The following DRC8 variants were observed in gnomAD, a reference collection of about 807,000 sequenced individuals.
The protein encoded by DRC8 is dynein regulatory complex protein 8.
chr1:245,099,134 C>G, the DRC8 span, among the ~76,000 whole-genome samples: 13 of 152,140 alleles, frequency 8.5e-5, no homozygotes, highest in African/African-American at 2.6e-4. Context: ...CCTAACAATA[C>G]GGACCAAGAA....
the DRC8 span, among the ~76,000 whole-genome samples, chr1:245,100,473 A>C: frequency 2.0e-5 from 3 of 151,572 alleles, no homozygotes; most frequent in African/African-American, 7.3e-5. Context: ...AAATGAATAA[A>C]TGACCTTAAA....
the DRC8 span, among the ~76,000 whole-genome samples, chr1:244,975,634 G>A: frequency 6.6e-6 from 1 of 152,192 alleles, no homozygotes; most frequent in Non-Finnish European, 1.5e-5. Context: ...CCAGGCAGGT[G>A]GATCACTTGA....
the DRC8 span, among the ~76,000 whole-genome samples, chr1:244,987,162 G>A: frequency 0.022 from 3,327 of 151,930 alleles, 142 homozygotes; most frequent in African/African-American, 0.076. Context: ...TGAAAGCACA[G>A]ATTAACATAA....
the DRC8 span, among the ~76,000 whole-genome samples, chr1:244,979,344 C>A: frequency 1.5e-5 from 2 of 129,624 alleles, no homozygotes; most frequent in Non-Finnish European, 3.1e-5. Flanking sequence ...TTGCTCTTGT[C>A]GCCCAGGTTG....
the DRC8 span, among the ~76,000 whole-genome samples, chr1:245,101,235 T>C: frequency 0.059 from 9,043 of 152,282 alleles, 875 homozygotes; most frequent in African/African-American, 0.2. Context: ...TTACTCCCAA[T>C]CTTTCTTTTA....
At chr1:245,001,929 C>T in the DRC8 span, among the ~76,000 whole-genome samples, 1 of 152,236 alleles carries the variant, frequency 6.6e-6, no homozygotes, top group Non-Finnish European at 1.5e-5. Flanking sequence ...ATGTTCCTTA[C>T]TGACTTACTC....
the DRC8 span, among the ~76,000 whole-genome samples, chr1:245,078,971 A>G: frequency 6.6e-6 from 1 of 152,184 alleles, no homozygotes; most frequent in African/African-American, 2.4e-5. Context: ...TAAGACTGGA[A>G]AAAAATAGAG....
chr1:244,989,276 T>C, the DRC8 span, among the ~76,000 whole-genome samples: 1 of 152,164 alleles, frequency 6.6e-6, no homozygotes, highest in Non-Finnish European at 1.5e-5. Flanking sequence ...TTACTCAGAT[T>C]TTCTTAATTT....
chr1:245,024,593 G>C, the DRC8 span, among the ~76,000 whole-genome samples: 2 of 147,784 alleles, frequency 1.4e-5, no homozygotes, highest in Non-Finnish European at 3.0e-5. Flanking sequence ...TGTTGCCCAG[G>C]CTGGAGTGCA....
At chr1:245,109,155 T>G in the DRC8 span, among the ~76,000 whole-genome samples, 2 of 152,186 alleles carry the variant, frequency 1.3e-5, no homozygotes, top group Non-Finnish European at 2.9e-5. Context: ...ATATCCTGCC[T>G]GAGGGGCGAG....
At chr1:245,027,156 G>C in the DRC8 span, among the ~76,000 whole-genome samples, 1 of 152,050 alleles carries the variant, frequency 6.6e-6, no homozygotes, top group South Asian at 2.1e-4. Flanking sequence ...GTTAAAAATT[G>C]GTTTCTTATC....
the DRC8 span, among the ~76,000 whole-genome samples, chr1:245,053,407 G>C: frequency 2.0e-5 from 3 of 152,200 alleles, no homozygotes; most frequent in Admixed American, 1.3e-4. Context: ...CGTGTCGTCT[G>C]CACCAGGCTC....
At chr1:245,015,738 A>G in the DRC8 span, 3 of 282,792 alleles carry the variant, frequency 1.1e-5, no homozygotes, top group South Asian at 6.4e-5. Context: ...AAGAAAGAAT[A>G]TATCCAGAAT....
the DRC8 span, among the ~76,000 whole-genome samples, chr1:245,082,730 C>T: frequency 5.3e-5 from 8 of 151,294 alleles, no homozygotes; most frequent in African/African-American, 1.9e-4. Context: ...TTGAGATGGA[C>T]TTTCGCTTTT....
chr1:245,020,824 T>C, the DRC8 span, among the ~76,000 whole-genome samples: 1 of 151,590 alleles, frequency 6.6e-6, no homozygotes, highest in African/African-American at 2.4e-5. Context: ...GAGACGGGGT[T>C]TCACCATGTT....
At chr1:244,991,249 G>GGTGC in the DRC8 span, among the ~76,000 whole-genome samples, 1 of 152,258 alleles carries the variant, frequency 6.6e-6, no homozygotes, top group Non-Finnish European at 1.5e-5. Flanking sequence ...TGACATAAAG[G>GGTGC]GTGCGGTGAG....
the DRC8 span, chr1:245,015,717 A>C: frequency 1.4e-5 from 4 of 290,302 alleles, no homozygotes; most frequent in Non-Finnish European, 2.8e-5. Flanking sequence ...CTCAAAAAAA[A>C]AAAAAAAAGA....
At chr1:244,970,067 C>A in the DRC8 span, 2 of 650,226 alleles carry the variant, frequency 3.1e-6, no homozygotes, top group Non-Finnish European at 5.5e-6. Context: ...CGTGCTGTCC[C>A]CAAATGGATG....
chr1:245,014,704 T>A, the DRC8 span, among the ~76,000 whole-genome samples: 1 of 152,132 alleles, frequency 6.6e-6, no homozygotes, highest in East Asian at 1.9e-4. Context: ...ATTGTTCAAA[T>A]GAGGAAGATC....
Sources: gnomAD v4.1 joint callset for allele counts (sites outside exome capture counted in the v4.1 genomes callset) on GRCh38, gnomAD v4.1.1 for gene constraint, MANE v1.5 for transcripts, NCBI Gene and HGNC (gene_info 2026-07-23, HGNC 2026-07-21) for gene names.